The following MAML2 variants were observed in gnomAD, a reference collection of about 807,000 sequenced individuals.
MAML2 encodes mastermind-like protein 2.
A neutral mutation model predicts 96.1 loss-of-function variants in MAML2; 22 were observed. The observed-to-expected ratio is 0.23, with a 90% confidence interval of 0.16 to 0.33. The LOEUF is 0.33. MAML2 is among the 10% of genes least tolerant of loss of function. The probability of loss-of-function intolerance (pLI) is 1.00; values close to 1 mark genes in which losing one functional copy is unlikely to be tolerated. For missense variants in MAML2, 1,367 were observed against 1,392.4 expected (o/e 0.98, Z 0.29); for synonymous variants, 561 against 521.3 (o/e 1.08, Z -1.04).
At chr11:96,202,409 A>G (rs1861839601) in intron 1 of MAML2, among the ~76,000 whole-genome samples, 1 of 151,996 alleles carries the variant, frequency 6.6e-6, no homozygotes, top group African/African-American at 2.4e-5. Context: ...AACCAAGTCT[A>G]CATGAAAGGC....
At chr11:96,245,739 C>T (rs1338182511) in intron 1 of MAML2, among the ~76,000 whole-genome samples, 2 of 147,438 alleles carry the variant, frequency 1.4e-5, no homozygotes, top group African/African-American at 5.0e-5. Flanking sequence ...GAGTCTCACT[C>T]TGTTGCCCAG....
chr11:96,278,042 T>A (rs1472963245), intron 1 of MAML2, among the ~76,000 whole-genome samples: 1 of 152,112 alleles, frequency 6.6e-6, no homozygotes, highest in African/African-American at 2.4e-5. Context: ...TCTGTGGATC[T>A]GGGGCAGAGT....
chr11:96,330,115 A>G (rs1399458819), intron 1 of MAML2, among the ~76,000 whole-genome samples: 2 of 152,228 alleles, frequency 1.3e-5, no homozygotes, highest in African/African-American at 4.8e-5. Context: ...GAAATTTGGT[A>G]GTTAGAAGGA....
chr11:96,183,990 AC>A (rs1203070913), intron 1 of MAML2, among the ~76,000 whole-genome samples: 28 of 152,312 alleles, frequency 1.8e-4, no homozygotes, highest in African/African-American at 6.5e-4. Context: ...TGGAAAAGCT[AC>A]CTCAAATATG....
chr11:96,118,392 T>C (rs990778856), intron 1 of MAML2, among the ~76,000 whole-genome samples: 2 of 152,122 alleles, frequency 1.3e-5, no homozygotes, highest in African/African-American at 4.8e-5. Flanking sequence ...AAAGTGAAAC[T>C]CCTCCCTTTG....
chr11:96,138,682 A>G (rs2135863582), intron 1 of MAML2, among the ~76,000 whole-genome samples: 1 of 152,134 alleles, frequency 6.6e-6, no homozygotes, highest in East Asian at 1.9e-4. Context: ...TTGATAATGC[A>G]TCCTCACTTG....
chr11:96,020,361 C>T (rs1417185642), intron 2 of MAML2, among the ~76,000 whole-genome samples: 1 of 152,180 alleles, frequency 6.6e-6, no homozygotes, highest in Non-Finnish European at 1.5e-5. Flanking sequence ...ACTTGCCTTC[C>T]TATTAGCACC....
At chr11:96,067,170 T>G (rs1859258589) in intron 2 of MAML2, among the ~76,000 whole-genome samples, 1 of 152,192 alleles carries the variant, frequency 6.6e-6, no homozygotes, top group African/African-American at 2.4e-5. Flanking sequence ...CTAACATGCC[T>G]TCCCAAACCA....
chr11:96,143,781 C>T (rs1489578887), intron 1 of MAML2, among the ~76,000 whole-genome samples: 1 of 152,210 alleles, frequency 6.6e-6, no homozygotes, highest in Non-Finnish European at 1.5e-5. Context: ...ACAATCTCCA[C>T]CTCCAGGAGC....
chr11:96,128,537 A>T (rs982123942), intron 1 of MAML2, among the ~76,000 whole-genome samples: 2 of 152,186 alleles, frequency 1.3e-5, no homozygotes, highest in Non-Finnish European at 2.9e-5. Context: ...CACACACATG[A>T]TCTGTCCCAC....
At position 96,016,556 on chromosome 11, in the gene MAML2, T is replaced by C. The variant is rs536564284; in HGVS notation, c.2140-24833A>G. Among the ~76,000 whole-genome samples, 95 of 152,300 alleles carry C rather than the reference T, an allele frequency of 6.2e-4. 2 individuals carry two copies. The highest frequency in any genetic ancestry group is 5.4e-3 in the Admixed American group (82 of 15,300). Reference sequence around the variant, plus strand: ...CTAAGTTTGAAGGGAGCACATACCATACTGTCTAGCAGAGATATTCAGATT... The same window carrying C: ...CTAAGTTTGAAGGGAGCACATACCACACTGTCTAGCAGAGATATTCAGATT... On this transcript the variant is annotated intron_variant, in intron 2 of 4. Coordinates refer to ENST00000524717, the MANE Select transcript of MAML2 (RefSeq NM_032427.4).
chr11:96,182,645 T>C (rs1378039227), intron 1 of MAML2, among the ~76,000 whole-genome samples: 1 of 152,210 alleles, frequency 6.6e-6, no homozygotes, highest in Non-Finnish European at 1.5e-5. Context: ...CATGTGTATG[T>C]CCTTATTACT....
intron 1 of MAML2, among the ~76,000 whole-genome samples, chr11:96,309,024 T>C (rs1383601357): frequency 6.6e-6 from 1 of 152,104 alleles, no homozygotes; most frequent in African/African-American, 2.4e-5. Flanking sequence ...TGAAAATAAC[T>C]CATTAGTTAA....
intron 1 of MAML2, among the ~76,000 whole-genome samples, chr11:96,311,597 C>T (rs1863542908): frequency 1.3e-5 from 2 of 152,172 alleles, no homozygotes; most frequent in Non-Finnish European, 2.9e-5. Flanking sequence ...ATTGTCCAAG[C>T]TCCAAGCTGA....
At chr11:95,980,089 TC>T (rs1428824236) in intron 4 of MAML2, 126 bp from the exon 5 acceptor site, 5 of 713,348 alleles carry the variant, frequency 7.0e-6, no homozygotes, top group Non-Finnish European at 1.2e-5. Flanking sequence ...GAAATAATGA[TC>T]AAATAAATTA....
At chr11:96,059,513 G>T (rs1172057875) in intron 2 of MAML2, among the ~76,000 whole-genome samples, 1 of 152,198 alleles carries the variant, frequency 6.6e-6, no homozygotes, top group African/African-American at 2.4e-5. Context: ...AATAAACATA[G>T]AAGTGAATAA....
intron 2 of MAML2, among the ~76,000 whole-genome samples, chr11:96,064,102 A>G (rs1193231955): frequency 1.3e-5 from 2 of 152,218 alleles, no homozygotes; most frequent in Admixed American, 6.5e-5. Flanking sequence ...ATTCAGTGTA[A>G]TGCCAGGTTA....
intron 2 of MAML2, among the ~76,000 whole-genome samples, chr11:96,021,295 C>T (rs1858431780): frequency 6.6e-6 from 1 of 152,234 alleles, no homozygotes. Context: ...GCCTTACTCA[C>T]AGCAGTGCTT....
intron 2 of MAML2, among the ~76,000 whole-genome samples, chr11:96,038,460 C>T (rs1858754371): frequency 6.6e-6 from 1 of 152,200 alleles, no homozygotes; most frequent in African/African-American, 2.4e-5. Flanking sequence ...ATGACTAGAT[C>T]TTGAATAAAT....
Sources: gnomAD v4.1 joint callset for allele counts (sites outside exome capture counted in the v4.1 genomes callset) on GRCh38, gnomAD v4.1.1 for gene constraint, MANE v1.5 for transcripts, NCBI Gene and HGNC (gene_info 2026-07-23, HGNC 2026-07-21) for gene names.